Variants in SLC44A5 observed in about 807,000 individuals in gnomAD.
The protein encoded by SLC44A5 is solute carrier family 44 member 5.
Under a neutral mutation model 101.8 loss-of-function variants are expected in SLC44A5, and 57 were observed. The observed-to-expected ratio is 0.56, with a 90% CI of 0.45 to 0.70. The LOEUF is 0.70. SLC44A5 is among the 30% of genes least tolerant of loss of function. The pLI, the probability that SLC44A5 is intolerant of heterozygous loss-of-function variation, is 0.00. For synonymous variants in SLC44A5, 281 were observed against 290.9 expected (o/e 0.97, Z 0.35); for missense variants, 737 against 853.1 (o/e 0.86, Z 1.70).
the SLC44A5 span, among the ~76,000 whole-genome samples, chr1:75,708,274 G>A: frequency 2.0e-5 from 3 of 151,194 alleles, no homozygotes; most frequent in African/African-American, 7.3e-5. Context: ...AAAAAGCTGG[G>A]CATGTGGCAT....
At chr1:75,498,054 T>G (rs563430881) in intron 2 of SLC44A5, among the ~76,000 whole-genome samples, 14 of 152,294 alleles carry the variant, frequency 9.2e-5, no homozygotes, top group African/African-American at 1.4e-4. Context: ...AGGAGGAGGA[T>G]AAGAATACAA....
the SLC44A5 span, among the ~76,000 whole-genome samples, chr1:75,711,791 T>G: frequency 6.6e-6 from 1 of 152,234 alleles, no homozygotes; most frequent in Admixed American, 6.5e-5. Context: ...TGTGAAATCA[T>G]GCTGGCAAGC....
chr1:75,345,432 G>A (rs1658180943), intron 3 of SLC44A5, among the ~76,000 whole-genome samples: 1 of 151,990 alleles, frequency 6.6e-6, no homozygotes, highest in African/African-American at 2.4e-5. Context: ...AAAAAAGTTG[G>A]GAAACAATTT....
At chr1:75,248,601 A>G (rs1294633011) in intron 7 of SLC44A5, among the ~76,000 whole-genome samples, 1 of 152,128 alleles carries the variant, frequency 6.6e-6, no homozygotes, top group Non-Finnish European at 1.5e-5. Flanking sequence ...AGATTGGGAA[A>G]GAGATCTTGG....
intron 1 of SLC44A5, among the ~76,000 whole-genome samples, chr1:75,591,588 A>G (rs1215361015): frequency 6.6e-6 from 1 of 152,184 alleles, no homozygotes; most frequent in Non-Finnish European, 1.5e-5. Flanking sequence ...AGAAAACTAC[A>G]GGCCAATATC....
chr1:75,721,748 G>A, the SLC44A5 span, among the ~76,000 whole-genome samples: 2 of 152,142 alleles, frequency 1.3e-5, no homozygotes, highest in Non-Finnish European at 2.9e-5. Context: ...CATGACAACT[G>A]CTTGGTATCT....
Position 75,251,202 on chromosome 1 carries a change from T to G in SLC44A5, c.345+8A>C, listed in dbSNP as rs758015679. ...CTGACACTACCAGTGAGGCACCTTT[T>G]GCCTTACCTGTGTGGTAGGGCACTG... On this transcript the variant is annotated splice_region_variant and intron_variant, in intron 7 of 23. Coordinates refer to ENST00000370859, the MANE Select transcript of SLC44A5 (RefSeq NM_001130058.2). The G allele has an allele frequency of 1.9e-6, 3 of 1,606,004 alleles. No homozygotes were observed. Among genetic ancestry groups the G allele is most frequent in the Non-Finnish European group, 2.6e-6 (3 of 1,173,138 alleles).
chr1:75,352,599 C>T (rs924297533), intron 3 of SLC44A5, among the ~76,000 whole-genome samples: 1 of 151,848 alleles, frequency 6.6e-6, no homozygotes, highest in Admixed American at 6.6e-5. Flanking sequence ...TTATTATATA[C>T]CCCCCAAAGA....
At chr1:75,300,568 C>A in intron 5 of SLC44A5, 44 bp downstream of exon 5, 1 of 1,276,304 alleles carries the variant, frequency 7.8e-7, no homozygotes. Flanking sequence ...CTTAGTTATT[C>A]CATTAGCAAG....
chr1:75,292,364 T>A (rs893984221), intron 5 of SLC44A5, among the ~76,000 whole-genome samples: 1 of 152,188 alleles, frequency 6.6e-6, no homozygotes, highest in Admixed American at 6.5e-5. Flanking sequence ...CATGTAATAC[T>A]CATTAACATC....
At chr1:75,448,058 T>C (rs962062982) in intron 2 of SLC44A5, among the ~76,000 whole-genome samples, 4 of 152,218 alleles carry the variant, frequency 2.6e-5, no homozygotes, top group East Asian at 1.9e-4. Context: ...AAAAAGATTA[T>C]GAATGTTTTC....
chr1:75,527,189 G>A (rs1368852702), intron 2 of SLC44A5, among the ~76,000 whole-genome samples: 3 of 150,910 alleles, frequency 2.0e-5, no homozygotes, highest in Non-Finnish European at 4.4e-5. Flanking sequence ...AAGAAAAAAA[G>A]AGAAGGAAGG....
At chr1:75,264,774 A>G (rs2100705663) in intron 6 of SLC44A5, among the ~76,000 whole-genome samples, 1 of 152,250 alleles carries the variant, frequency 6.6e-6, no homozygotes, top group East Asian at 1.9e-4. Context: ...GTAAATAAAT[A>G]AAAATGAGAA....
upstream of SLC44A5, among the ~76,000 whole-genome samples, chr1:75,614,342 C>A (rs1557964405): frequency 6.6e-6 from 1 of 152,098 alleles, no homozygotes; most frequent in Non-Finnish European, 1.5e-5. Context: ...TTTACAGGAG[C>A]TATAATATTT....
At chr1:75,641,984 T>C in the SLC44A5 span, 3 of 1,537,786 alleles carry the variant, frequency 2.0e-6, no homozygotes, top group African/African-American at 4.1e-5. Flanking sequence ...AGAATCATCT[T>C]CCTCCTCATC....
rs1339862230 is a variant in SLC44A5 at position 75,275,966 on chromosome 1, G to C, written c.176-924C>G. Among the ~76,000 whole-genome samples the C allele has an allele frequency of 2.6e-5, 4 of 152,010 alleles. No individual in the cohort carries two copies. The East Asian group carries it at 7.7e-4, about 29-fold the overall frequency. On this transcript the variant is annotated intron_variant, in intron 5 of 23. Coordinates refer to ENST00000370859, the MANE Select transcript of SLC44A5 (RefSeq NM_001130058.2). ...CTCCCTCCCCACATTTATTGGATTT[G>C]ACATTTCATGTTATAATTCAATCAC... is the stretch of plus-strand genomic sequence containing the variant.
At chr1:75,410,761 G>A (rs917214479) in intron 2 of SLC44A5, among the ~76,000 whole-genome samples, 19 of 152,066 alleles carry the variant, frequency 1.2e-4, no homozygotes, top group African/African-American at 3.6e-4. Context: ...TTGGGGGAGG[G>A]AGTTTGTAGA....
chr1:75,350,709 AT>A (rs1658581454), intron 3 of SLC44A5, among the ~76,000 whole-genome samples: 1 of 151,802 alleles, frequency 6.6e-6, no homozygotes, highest in Non-Finnish European at 1.5e-5. Flanking sequence ...CCTGGCCAAC[AT>A]GGTGAAACCC....
chr1:75,692,438 G>A, the SLC44A5 span, among the ~76,000 whole-genome samples: 9 of 151,810 alleles, frequency 5.9e-5, no homozygotes, highest in South Asian at 2.1e-4. Context: ...CTTGTGATCC[G>A]CCCGCCTCAG....
Sources: gnomAD v4.1 joint callset for allele counts (sites outside exome capture counted in the v4.1 genomes callset) on GRCh38, gnomAD v4.1.1 for gene constraint, MANE v1.5 for transcripts, NCBI Gene and HGNC (gene_info 2026-07-23, HGNC 2026-07-21) for gene names.